Variants in NEGR1 observed in about 807,000 individuals in gnomAD.
NEGR1 encodes the protein IgLON family member 4.
In NEGR1, 10 loss-of-function variants were observed where a neutral mutation model predicts 40.9. That is an observed-to-expected ratio of 0.24 (90% confidence interval 0.15 to 0.42). The LOEUF is 0.42. NEGR1 is among the 10% of genes least tolerant of loss of function. The pLI, the probability that NEGR1 is intolerant of heterozygous loss-of-function variation, is 1.00. For missense variants in NEGR1, 352 were observed against 438.9 expected, an observed-to-expected ratio of 0.80 and a Z score of 1.77; for synonymous variants, 185 against 166.8, an observed-to-expected ratio of 1.11 and a Z score of -0.84.
At chr1:72,256,918 C>A (rs1303096521) in intron 1 of NEGR1, among the ~76,000 whole-genome samples, 1 of 151,082 alleles carries the variant, frequency 6.6e-6, no homozygotes, top group African/African-American at 2.5e-5. Flanking sequence ...ATCCATGTAA[C>A]GGCATGGTTA....
intron 2 of NEGR1, among the ~76,000 whole-genome samples, chr1:71,873,890 A>G (rs1660351028): frequency 6.6e-6 from 1 of 152,186 alleles, no homozygotes; most frequent in Non-Finnish European, 1.5e-5. Context: ...TTTGAACATA[A>G]TCCAAGATAC....
At chr1:71,471,779 G>C (rs1646783899) in intron 6 of NEGR1, among the ~76,000 whole-genome samples, 1 of 152,032 alleles carries the variant, frequency 6.6e-6, no homozygotes, top group Non-Finnish European at 1.5e-5. Flanking sequence ...ACCCAGAAAA[G>C]CCACAGACTC....
intron 1 of NEGR1, among the ~76,000 whole-genome samples, chr1:71,943,738 A>G (rs1227115747): frequency 1.3e-5 from 2 of 152,192 alleles, no homozygotes; most frequent in African/African-American, 2.4e-5. Context: ...GTTACTAATT[A>G]CTATCCTCTT....
intron 1 of NEGR1, among the ~76,000 whole-genome samples, chr1:72,142,503 A>T (rs1254788279): frequency 6.6e-6 from 1 of 150,880 alleles, no homozygotes; most frequent in Non-Finnish European, 1.5e-5. Context: ...TACTAGCCAC[A>T]ATAATCTGAT....
intron 2 of NEGR1, among the ~76,000 whole-genome samples, chr1:71,929,120 A>T (rs1933154): frequency 6.6e-6 from 1 of 152,016 alleles, no homozygotes; most frequent in Admixed American, 6.6e-5. Flanking sequence ...ATGTTCTTAG[A>T]AATGTAGCTT....
chr1:71,537,890 C>T (rs565196002), intron 6 of NEGR1, among the ~76,000 whole-genome samples: 2 of 151,708 alleles, frequency 1.3e-5, no homozygotes, highest in East Asian at 2.0e-4. Flanking sequence ...TGATGAGCAA[C>T]AGTAAAGGTC....
intron 6 of NEGR1, among the ~76,000 whole-genome samples, chr1:71,549,835 G>A (rs938964218): frequency 4.6e-5 from 7 of 151,602 alleles, no homozygotes; most frequent in African/African-American, 1.7e-4. Flanking sequence ...GACCCTGTCA[G>A]CAATTGACTA....
chr1:71,698,105 A>G lies in NEGR1; in HGVS notation c.570T>C (p.Ile190=). The change falls in exon 4 of 7, where the codon ATT becomes ATC. Residue 190 remains isoleucine (I), a synonymous_variant. Transcript: ENST00000357731. ...KPFENGQYLD[I]YGITRDQAGE... is the part of the protein sequence containing the mutation. ...CAGCCTGGTCCCTTGTAATTCCATAAATGTCCAAATATTGTCCATTTTCAA... is the reference window on the plus strand; with the variant it reads ...CAGCCTGGTCCCTTGTAATTCCATAGATGTCCAAATATTGTCCATTTTCAA... The G allele has an allele frequency of 1.9e-6, 3 of 1,611,038 alleles. No homozygotes were observed. The highest frequency in any genetic ancestry group is 1.1e-5 in the South Asian group (1 of 90,956).
chr1:71,962,084 T>G (rs776518396), intron 1 of NEGR1, among the ~76,000 whole-genome samples: 7 of 151,920 alleles, frequency 4.6e-5, no homozygotes, highest in East Asian at 1.9e-4. Flanking sequence ...AATGCTTTCA[T>G]GAAAAAAAAT....
chr1:72,034,777 A>T (rs1557493910), intron 1 of NEGR1, among the ~76,000 whole-genome samples: 1 of 152,208 alleles, frequency 6.6e-6, no homozygotes, highest in Non-Finnish European at 1.5e-5. Context: ...TTATTAAGAA[A>T]TTATTTTTAG....
chr1:72,116,915 TTA>T (rs1276000577), intron 1 of NEGR1, among the ~76,000 whole-genome samples: 2 of 151,776 alleles, frequency 1.3e-5, no homozygotes, highest in South Asian at 2.1e-4. Flanking sequence ...AAATGTTTTA[TTA>T]TATGACATCA....
At chr1:72,239,899 T>C (rs1158646897) in intron 1 of NEGR1, among the ~76,000 whole-genome samples, 1 of 151,792 alleles carries the variant, frequency 6.6e-6, no homozygotes, top group Non-Finnish European at 1.5e-5. Context: ...ATATGAGAAA[T>C]ATTCTATGAA....
intron 6 of NEGR1, among the ~76,000 whole-genome samples, chr1:71,574,540 T>G (rs1648902745): frequency 6.6e-6 from 1 of 152,204 alleles, no homozygotes; most frequent in Non-Finnish European, 1.5e-5. Flanking sequence ...CTTTCTGGAA[T>G]AATTTCTTCC....
chr1:71,562,496 T>C (rs746591540), intron 6 of NEGR1, among the ~76,000 whole-genome samples: 27 of 151,936 alleles, frequency 1.8e-4, no homozygotes, highest in Non-Finnish European at 3.5e-4. Context: ...TCATTTTCAT[T>C]CCAACTTGAG....
chr1:71,616,213 G>A (rs1650441604), intron 4 of NEGR1, among the ~76,000 whole-genome samples: 1 of 152,194 alleles, frequency 6.6e-6, no homozygotes. Context: ...CACACAGCTG[G>A]AGGTGAGTGG....
intron 6 of NEGR1, among the ~76,000 whole-genome samples, chr1:71,537,313 C>G (rs1319291713): frequency 6.6e-6 from 1 of 151,644 alleles, no homozygotes; most frequent in Non-Finnish European, 1.5e-5. Flanking sequence ...GCATCCCATT[C>G]TCTACCTTCC....
chr1:71,453,811 A>G (rs1261461815), intron 6 of NEGR1, among the ~76,000 whole-genome samples: 7 of 152,182 alleles, frequency 4.6e-5, no homozygotes, highest in Non-Finnish European at 1.0e-4. Context: ...GAACTCTGGA[A>G]TGGTTCTGAG....
intron 6 of NEGR1, among the ~76,000 whole-genome samples, chr1:71,453,703 G>A (rs149453762): frequency 2.6e-5 from 4 of 152,110 alleles, no homozygotes; most frequent in African/African-American, 7.2e-5. Flanking sequence ...TATTGCCCTC[G>A]ATGATATTTT....
At chr1:72,226,376 T>G (rs1654191362) in intron 1 of NEGR1, among the ~76,000 whole-genome samples, 1 of 152,036 alleles carries the variant, frequency 6.6e-6, no homozygotes. Context: ...GACATATGTG[T>G]GCCATCTTTG....
Sources: allele counts gnomAD v4.1 joint callset (sites outside exome capture counted in the v4.1 genomes callset), GRCh38; gene constraint gnomAD v4.1.1; transcripts MANE v1.5; gene names NCBI Gene and HGNC (gene_info 2026-07-23, HGNC 2026-07-21).